Variants in MAP9 observed in about 807,000 individuals in gnomAD.
MAP9 encodes microtubule associated protein 9.
Under a neutral mutation model 75.2 loss-of-function variants are expected in MAP9, and 80 were observed. That is an observed-to-expected ratio of 1.06 (90% CI 0.89 to 1.28). The LOEUF (loss-of-function observed/expected upper bound fraction) is 1.28. Ranked by LOEUF, MAP9 falls within the 50% of genes most tolerant of loss-of-function variation. MAP9 has a pLI of 0.00. For missense variants in MAP9, 753 were observed against 719.9 expected (o/e 1.05, Z -0.53); for synonymous variants, 235 against 237.3 (o/e 0.99, Z 0.09).
rs1044539440 is a variant in MAP9 at position 155,376,849 on chromosome 4, G to A, written c.-143C>T. On this transcript the variant is annotated 5_prime_UTR_variant, in exon 1 of 14. Coordinates refer to ENST00000311277, the MANE Select transcript of MAP9 (RefSeq NM_001039580.2). ...GAGGGGCTAATAACAGAGGCGGAGGGCGGTTGCTAGGAAACAGCGTCTTCG... is the reference window on the plus strand; with the variant it reads ...GAGGGGCTAATAACAGAGGCGGAGGACGGTTGCTAGGAAACAGCGTCTTCG... 6.5e-6 allele frequency: 1 copy of A among 152,900 alleles called. No individual in the cohort carries two copies. The highest frequency in any genetic ancestry group is 2.4e-5 in the African/African-American group (1 of 41,454). The allele number at this position is 152,900 out of a possible 1,614,324, so 9.5% of individuals were successfully genotyped here.
intron 13 of MAP9, among the ~76,000 whole-genome samples, chr4:155,351,625 GA>G (rs1249989789): frequency 6.6e-6 from 1 of 150,852 alleles, no homozygotes; most frequent in Non-Finnish European, 1.5e-5. Context: ...AACCAGTAAG[GA>G]AAAAAAACCA....
chr4:155,373,398 CATTT>C lies in MAP9; in HGVS notation c.215_218del (p.Lys72ArgfsTer20). ...CATCATCTGATATATGAAAGTCATT[CATTT>C]TTTTATTAACTGAATTTTCATCTGC... is the stretch of plus-strand genomic sequence containing the variant. On this transcript the variant is annotated frameshift_variant, in exon 4 of 14. Coordinates refer to ENST00000311277, the MANE Select transcript of MAP9 (RefSeq NM_001039580.2). LOFTEE classifies it high-confidence loss of function. 6.3e-7 allele frequency: 1 copy of C among 1,598,846 alleles called. No individual in the cohort carries two copies. Among genetic ancestry groups the C allele is most frequent in the Non-Finnish European group, 8.5e-7 (1 of 1,173,754 alleles).
In MAP9 at chr4:155,353,054, A is replaced by C; in HGVS notation, c.1546T>G (p.Phe516Val). 6.5e-7 allele frequency: 1 copy of C among 1,537,676 alleles called. No individual in the cohort carries two copies. The highest frequency in any genetic ancestry group is 8.8e-7 in the Non-Finnish European group (1 of 1,140,328). The change falls in exon 12 of 14, where the codon TTT (phenylalanine) becomes GTT (valine). Residue 516 changes from phenylalanine to valine, a missense_variant. By Grantham distance (50) the Phe-to-Val change is conservative (BLOSUM62 -1). Transcript: ENST00000311277. ...AARKGEALQA[F>V]EKWKEKKMEY... is the part of the protein sequence containing the mutation. ...ATCTTTTTCTCTTTCCATTTTTCAA[A>C]AGCCTGAAAAAGTTCAGAATAATTT...
intron 2 of MAP9, 146 bp from the exon 3 acceptor site, chr4:155,375,167 T>C: frequency 1.7e-6 from 1 of 578,384 alleles, no homozygotes; most frequent in Non-Finnish European, 3.0e-6. Context: ...CAAGCTCACT[T>C]TATGCCATGT....
At chr4:155,367,228 C>T (rs1732370528) in intron 5 of MAP9, 1 of 152,036 alleles carries the variant, frequency 6.6e-6, no homozygotes, top group South Asian at 2.1e-4. Context: ...AAATCCAATG[C>T]CTGGTGTCTT....
chr4:155,369,454 T>TA (rs34278122), intron 4 of MAP9, among the ~76,000 whole-genome samples: 11,800 of 149,506 alleles, frequency 0.079, 1,024 homozygotes, highest in East Asian at 0.42. Flanking sequence ...CTTATAATAT[T>TA]AAAAAAAAAA....
At position 155,343,276 on chromosome 4, in the gene MAP9, AGAG is replaced by A; in HGVS notation, c.*4504_*4506del. Reference sequence around the variant, plus strand: ...GCACAGGAGAGAGACAGAGTGGGAGAGAGAAAGAGGAGGGAGGAACTATCTCTT... The same window carrying A: ...GCACAGGAGAGAGACAGAGTGGGAGAAAAGAGGAGGGAGGAACTATCTCTT... On this transcript the variant is annotated 3_prime_UTR_variant, in exon 14 of 14. Transcript: ENST00000311277. The A allele has an allele frequency of 1.2e-5, 1 of 81,008 alleles. No individual in the cohort carries two copies. The highest frequency in any genetic ancestry group is 3.2e-5 in the Non-Finnish European group (1 of 31,552). 5.0% of individuals were successfully genotyped at this position (81,008 alleles called of 1,614,324 possible).
chr4:155,370,663 G>A (rs1732552593), intron 4 of MAP9, among the ~76,000 whole-genome samples: 1 of 151,922 alleles, frequency 6.6e-6, no homozygotes, highest in African/African-American at 2.4e-5. Flanking sequence ...TTTTATTATT[G>A]TGGTAAGAAC....
At chr4:155,367,471 C>A (rs1732383323) in intron 5 of MAP9, 1 of 152,188 alleles carries the variant, frequency 6.6e-6, no homozygotes, top group South Asian at 2.1e-4. Context: ...CTTCTGACCT[C>A]CAGAACTAAG....
Position 155,374,929 on chromosome 4 carries a change from T to C in MAP9, c.160+8A>G, listed in dbSNP as rs755581870. ...AAAAGTGGTTCACGTTTCCATACTGTCACATACCAATCTCATCACTGTCAA... is the reference window on the plus strand; with the variant it reads ...AAAAGTGGTTCACGTTTCCATACTGCCACATACCAATCTCATCACTGTCAA... On this transcript the variant is annotated splice_region_variant and intron_variant, in intron 3 of 13. Coordinates refer to ENST00000311277, the MANE Select transcript of MAP9 (RefSeq NM_001039580.2). The C allele has an allele frequency of 1.3e-6, 2 of 1,560,100 alleles. No individual in the cohort carries two copies. Among genetic ancestry groups the C allele is most frequent in the African/African-American group, 1.3e-5 (1 of 74,256 alleles).
At position 155,362,063 on chromosome 4, in the gene MAP9, T is replaced by C. The variant is rs757695342; in HGVS notation, c.787A>G (p.Asn263Asp). 6.3e-7 allele frequency: 1 copy of C among 1,598,690 alleles called. No individual in the cohort carries two copies. Among genetic ancestry groups the C allele is most frequent in the Admixed American group, 1.7e-5 (1 of 57,668 alleles). Residue 263 changes from asparagine to aspartate, a missense_variant, in exon 6 of 14, where the codon AAC becomes GAC. Transcript: ENST00000311277. ...ATATAACCACCTTTTCCAGATGCGT[T>C]TCCCTCAGATCCTGGTGAAAAAGAA... ...GDSFSPGSEGNASGKDPNEEI... is the reference protein window; with the variant it reads ...GDSFSPGSEGDASGKDPNEEI...
At chr4:155,368,390 G>T in intron 5 of MAP9, 196 bp downstream of exon 5, 2 of 618,558 alleles carry the variant, frequency 3.2e-6, no homozygotes, top group South Asian at 4.0e-5. Flanking sequence ...ATAATGCTAC[G>T]TCTTACAATT....
At position 155,352,914 on chromosome 4, in the gene MAP9, T is replaced by C. The variant is rs1421480618; in HGVS notation, c.1686A>G (p.Lys562=). 2 of 1,522,770 alleles carry C rather than the reference T, an allele frequency of 1.3e-6. No individual in the cohort carries two copies. The highest frequency in any genetic ancestry group is 8.8e-7 in the Non-Finnish European group (1 of 1,131,194). The allele number at this position is 1,522,770 out of a possible 1,614,324, so 94.3% of individuals were successfully genotyped here. A position where few individuals can be genotyped will look rare whatever the true frequency, so the allele number is the denominator to read the frequency against. The change falls in exon 12 of 14, where the codon AAA becomes AAG. Residue 562 remains lysine, a splice_region_variant and synonymous_variant. Transcript: ENST00000311277. ...KKKDNLTAVE[K]WNEKKEAFFK... Reference sequence around the variant, plus strand: ...AAATATTTATGATTTTGGATTACCATTTCTCAACAGCAGTTAAATTATCTT... The same window carrying C: ...AAATATTTATGATTTTGGATTACCACTTCTCAACAGCAGTTAAATTATCTT...
In MAP9 at chr4:155,347,890, G is replaced by A; in HGVS notation, c.1837C>T (p.Gln613Ter). 6.5e-7 allele frequency: 1 copy of A among 1,533,952 alleles called. No individual in the cohort carries two copies. Among genetic ancestry groups the A allele is most frequent in the East Asian group, 2.3e-5 (1 of 42,604 alleles). The change falls in exon 14 of 14, where the codon CAA (glutamine) becomes TAA (stop). Residue 613 changes from glutamine (Q) to a stop codon, truncating the protein, a stop_gained. Transcript: ENST00000311277. LOFTEE classifies it high-confidence loss of function. ...TTCTGTTTTCGTTCAATTCTTTCTT[G>A]TTTTTCCTTATTTTCCTAAAGAGAA... ...YEKWLENKEKQERIERKQKKR... is the reference protein window; with the variant it reads ...YEKWLENKEK
At chr4:155,358,896 G>A (rs912938488) in intron 7 of MAP9, among the ~76,000 whole-genome samples, 3 of 151,994 alleles carry the variant, frequency 2.0e-5, no homozygotes, top group Non-Finnish European at 4.4e-5. Context: ...AGAATATTTA[G>A]CTATTATTAA....
intron 6 of MAP9, chr4:155,360,882 T>C: frequency 6.3e-6 from 1 of 159,814 alleles, no homozygotes; most frequent in Non-Finnish European, 1.4e-5. Context: ...CAAGAATTAA[T>C]GCAATTTTAC....
At position 155,353,007 on chromosome 4, in the gene MAP9, A is replaced by G. The variant is rs1560803571; in HGVS notation, c.1593T>C (p.Asn531=). 1.9e-6 allele frequency: 3 copies of G among 1,539,174 alleles called. No individual in the cohort carries two copies. The highest frequency in any genetic ancestry group is 2.6e-6 in the Non-Finnish European group (3 of 1,135,336). Residue 531 remains asparagine (N), a synonymous_variant, in exon 12 of 14, where the codon AAT becomes AAC. Coordinates refer to ENST00000311277, the MANE Select transcript of MAP9 (RefSeq NM_001039580.2). The part of the protein sequence containing the change: ...EKKMEYLKEK[N]RKEREYERAK... ...CTCTTTCATATTCTCTCTCCTTTCT[A>G]TTTTTCTCTTTAAGATATTCCATCT...
At chr4:155,356,922 A>G (rs1731816548) in intron 8 of MAP9, among the ~76,000 whole-genome samples, 1 of 152,230 alleles carries the variant, frequency 6.6e-6, no homozygotes, top group Non-Finnish European at 1.5e-5. Context: ...ATTCATTATC[A>G]TTGGTGTGAA....
chr4:155,362,759 T>C (rs1732146938), intron 5 of MAP9: 1 of 152,210 alleles, frequency 6.6e-6, no homozygotes, highest in Non-Finnish European at 1.5e-5. Context: ...GGTAATGATA[T>C]TACAATGTAG....
Sources: gnomAD v4.1 joint callset for allele counts (sites outside exome capture counted in the v4.1 genomes callset) on GRCh38, gnomAD v4.1.1 for gene constraint, MANE v1.5 for transcripts, NCBI Gene and HGNC (gene_info 2026-07-23, HGNC 2026-07-21) for gene names.